UBE4B: variants seen among roughly 807,000 people sequenced by gnomAD.
UBE4B encodes the protein ubiquitin conjugation factor E4 B.
Under a neutral mutation model 148.1 loss-of-function variants are expected in UBE4B, and 27 were observed. That is an observed-to-expected ratio of 0.18 (90% confidence interval 0.13 to 0.25). The LOEUF (loss-of-function observed/expected upper bound fraction) is 0.25. Ranked by LOEUF, UBE4B falls within the 10% of genes least tolerant of loss-of-function variation. The pLI, the probability that UBE4B is intolerant of heterozygous loss-of-function variation, is 1.00. For missense variants in UBE4B, 1,170 were observed against 1,662.4 expected, an observed-to-expected ratio of 0.70 and a Z score of 5.15; for synonymous variants, 596 against 619.3, an observed-to-expected ratio of 0.96 and a Z score of 0.56.
intron 11 of UBE4B, chr1:10,129,187 T>C (rs1045110193): frequency 2.0e-6 from 1 of 488,720 alleles, no homozygotes; most frequent in African/African-American, 1.9e-5. Context: ...TTTATATTTC[T>C]GTTTTATTTC....
In UBE4B at chr1:10,137,104, T is replaced by C. The variant is rs757565803; in HGVS notation, c.2262T>C (p.Pro754=). Reference sequence around the variant, plus strand: ...CTCCATTTTCTGAGCCGAAATTCCCTACGGAGTGCTTCTTTCTCACCCTGC... The same window carrying C: ...CTCCATTTTCTGAGCCGAAATTCCCCACGGAGTGCTTCTTTCTCACCCTGC... ...DQPPFSEPKF[P]TECFFLTLHA... is the part of the protein sequence containing the mutation. The change falls in exon 17 of 28, where the codon CCT becomes CCC. Residue 754 remains proline (P), a synonymous_variant. Transcript: ENST00000343090. 2 of 1,614,232 alleles carry C rather than the reference T, an allele frequency of 1.2e-6. No homozygotes were observed. Among genetic ancestry groups the C allele is most frequent in the Non-Finnish European group, 1.7e-6 (2 of 1,180,042 alleles).
intron 1 of UBE4B, among the ~76,000 whole-genome samples, chr1:10,060,919 A>AT (rs1336569797): frequency 6.6e-6 from 1 of 151,910 alleles, no homozygotes; most frequent in African/African-American, 2.4e-5. Flanking sequence ...AATTTTTAAA[A>AT]TTTTTTTGTA....
intron 1 of UBE4B, among the ~76,000 whole-genome samples, chr1:10,064,209 TAAGTC>T (rs1344597465): frequency 6.6e-6 from 1 of 152,126 alleles, no homozygotes; most frequent in Non-Finnish European, 1.5e-5. Context: ...AAAAGAAACT[TAAGTC>T]AAGTAGTAAG....
intron 24 of UBE4B, among the ~76,000 whole-genome samples, chr1:10,169,767 C>T (rs1646310674): frequency 6.6e-6 from 1 of 152,234 alleles, no homozygotes; most frequent in African/African-American, 2.4e-5. Context: ...GTAATCCCAG[C>T]ACTTTGAGAG....
chr1:10,072,389 T>TA (rs1381965022), intron 2 of UBE4B, 175 bp downstream of exon 2: 2 of 784,206 alleles, frequency 2.6e-6, no homozygotes, highest in Non-Finnish European at 4.1e-6. Context: ...CTTTTTTTTT[T>TA]ATTGCAATCT....
chr1:10,154,078 G>A (rs150544410), intron 21 of UBE4B, among the ~76,000 whole-genome samples: 6 of 151,164 alleles, frequency 4.0e-5, no homozygotes, highest in South Asian at 2.1e-4. Context: ...GCAAAACTCC[G>A]TCTCAAAAAC....
At chr1:10,070,848 G>A (rs568244549) in intron 1 of UBE4B, among the ~76,000 whole-genome samples, 5 of 152,286 alleles carry the variant, frequency 3.3e-5, no homozygotes, top group Admixed American at 2.6e-4. Flanking sequence ...ACAAGTGATG[G>A]TTAAATTTGT....
At chr1:10,142,765 T>A (rs1213744603) in intron 17 of UBE4B, among the ~76,000 whole-genome samples, 1 of 152,066 alleles carries the variant, frequency 6.6e-6, no homozygotes, top group Non-Finnish European at 1.5e-5. Flanking sequence ...GTTCCTCTGC[T>A]CCTTATCACC....
intron 1 of UBE4B, among the ~76,000 whole-genome samples, chr1:10,070,004 G>A (rs74835018): frequency 6.6e-6 from 1 of 152,094 alleles, no homozygotes; most frequent in African/African-American, 2.4e-5. Context: ...GCCCGGCATG[G>A]TGGCTCACAC....
chr1:10,119,467 G>A, intron 8 of UBE4B, 46 bp from the exon 9 acceptor site: 1 of 1,582,590 alleles, frequency 6.3e-7, no homozygotes, highest in South Asian at 1.1e-5. Context: ...GCATGGAATT[G>A]TATTGTTTGT....
At chr1:10,119,678 G>T in intron 9 of UBE4B, 65 bp downstream of exon 9, 1 of 1,451,620 alleles carries the variant, frequency 6.9e-7, no homozygotes, top group Non-Finnish European at 9.6e-7. Flanking sequence ...GTGGACATCA[G>T]GCTCTCTGGC....
intron 2 of UBE4B, among the ~76,000 whole-genome samples, chr1:10,086,065 T>G (rs58810363): frequency 1.4e-4 from 22 of 151,920 alleles, no homozygotes; most frequent in Admixed American, 9.8e-4. Flanking sequence ...TCCACCTCCC[T>G]GGTTCACGCC....
At chr1:10,137,921 CTTTTTTTTTTTTTTTTT>C (rs70998351) in intron 17 of UBE4B, among the ~76,000 whole-genome samples, 33 of 67,036 alleles carry the variant, frequency 4.9e-4, no homozygotes, top group African/African-American at 1.8e-3. Flanking sequence ...CTTACTAATT[CTTTTTTTTTTTTTTTTT>C]TTTTTTTTTT....
rs539556768 is a variant in UBE4B at position 10,055,273 on chromosome 1, T to TTTTTC, written c.25-16731_25-16727dup. Reference sequence around the variant, plus strand: ...GTCTCGTAGGCCACCTTTTCATCATTTTTTCTTTTCTTTTCTTTTCTTTTC... The same window carrying TTTTTC: ...GTCTCGTAGGCCACCTTTTCATCATTTTTTCTTTTCTTTTCTTTTCTTTTCTTTTC... On this transcript the variant is annotated intron_variant, in intron 1 of 27. Transcript: ENST00000343090. Among the ~76,000 whole-genome samples, 481 of 151,872 alleles carry TTTTTC rather than the reference T, an allele frequency of 3.2e-3. 4 individuals carry two copies. Among genetic ancestry groups the TTTTTC allele is most frequent in the African/African-American group, 6.6e-3 (271 of 41,274 alleles).
chr1:10,111,438 A>C (rs1570911342), intron 7 of UBE4B, among the ~76,000 whole-genome samples: 1 of 151,360 alleles, frequency 6.6e-6, no homozygotes, highest in Admixed American at 6.6e-5. Context: ...CGGCTCCCTC[A>C]CTCTCCTCAG....
intron 16 of UBE4B, among the ~76,000 whole-genome samples, chr1:10,135,764 GA>G (rs925504462): frequency 1.1e-4 from 15 of 135,262 alleles, no homozygotes; most frequent in African/African-American, 3.5e-4. Context: ...GATACAAATT[GA>G]AAAAAAAAAT....
chr1:10,103,160 C>A, intron 5 of UBE4B, 68 bp downstream of exon 5: 2 of 1,453,850 alleles, frequency 1.4e-6, no homozygotes, highest in South Asian at 1.4e-5. Context: ...AGATCTTTGC[C>A]CTCTGTTATC....
intron 3 of UBE4B, among the ~76,000 whole-genome samples, chr1:10,100,682 G>A (rs1644996028): frequency 6.6e-6 from 1 of 152,200 alleles, no homozygotes; most frequent in Non-Finnish European, 1.5e-5. Context: ...AGCCTGCCGA[G>A]TAGCTGGGAT....
intron 2 of UBE4B, among the ~76,000 whole-genome samples, chr1:10,073,356 A>G (rs1408612307): frequency 6.6e-6 from 1 of 152,214 alleles, no homozygotes; most frequent in African/African-American, 2.4e-5. Flanking sequence ...CTACACTGGA[A>G]TAAGGCTATA....
Sources: allele counts gnomAD v4.1 joint callset (sites outside exome capture counted in the v4.1 genomes callset), GRCh38; gene constraint gnomAD v4.1.1; transcripts MANE v1.5; gene names NCBI Gene and HGNC (gene_info 2026-07-23, HGNC 2026-07-21).